The following SLC22A24 variants were observed in gnomAD, a reference collection of about 807,000 sequenced individuals.
SLC22A24 encodes steroid transmembrane transporter SLC22A24.
A neutral mutation model predicts 49.8 loss-of-function variants in SLC22A24; 53 were observed. That is an observed-to-expected ratio of 1.06 (90% CI 0.85 to 1.34). The LOEUF (loss-of-function observed/expected upper bound fraction) is 1.34. Ranked by LOEUF, SLC22A24 falls within the 40% of genes most tolerant of loss-of-function variation. The pLI, the probability that SLC22A24 is intolerant of heterozygous loss-of-function variation, is 0.00. For synonymous variants in SLC22A24, 302 were observed against 256.4 expected, an observed-to-expected ratio of 1.18 and a Z score of -1.70; for missense variants, 786 against 675.9, an observed-to-expected ratio of 1.16 and a Z score of -1.81.
rs1396360371 is a variant in SLC22A24 at position 63,092,820 on chromosome 11, A to T, written c.1070+3171T>A. ...TGACTAAAACACAAAAAGCAATTGAAACAAAAGTCAAAATTGACAAATGGA... is the reference window on the plus strand; with the variant it reads ...TGACTAAAACACAAAAAGCAATTGATACAAAAGTCAAAATTGACAAATGGA... On this transcript the variant is annotated intron_variant, in intron 6 of 9. Transcript: ENST00000612278. Among the ~76,000 whole-genome samples the T allele has an allele frequency of 8.5e-5, 13 of 152,186 alleles. No homozygotes were observed. The East Asian group carries it at 2.5e-3, about 29-fold the overall frequency.
At position 63,110,644 on chromosome 11, in the gene SLC22A24, C is replaced by T. The variant is rs554103362; in HGVS notation, c.831-6346G>A. ...GGGAGTTCACTCACGATTTGGCTCT[C>T]TGTTTGTCTGTTGTTGGTGTATAAG... On this transcript the variant is annotated intron_variant, in intron 4 of 9. Transcript: ENST00000612278. Among the ~76,000 whole-genome samples, 570 of 133,936 alleles carry T rather than the reference C, an allele frequency of 4.3e-3. 4 individuals are homozygous for T. The highest frequency in any genetic ancestry group is 6.1e-3 in the Non-Finnish European group (375 of 61,760). 87.9% of individuals were successfully genotyped at this position (133,936 alleles called of 152,430 possible).
intron 1 of SLC22A24, among the ~76,000 whole-genome samples, chr11:63,143,146 A>T (rs2087427076): frequency 6.6e-6 from 1 of 152,192 alleles, no homozygotes; most frequent in Non-Finnish European, 1.5e-5. Context: ...TAATGATTTA[A>T]AATTCATGGT....
At chr11:63,113,952 C>T (rs906204222) in intron 4 of SLC22A24, among the ~76,000 whole-genome samples, 10 of 151,982 alleles carry the variant, frequency 6.6e-5, no homozygotes, top group African/African-American at 2.4e-4. Flanking sequence ...TGATGGGCTT[C>T]CTTTTGTGGG....
Position 63,143,591 on chromosome 11 carries a change from A to G in SLC22A24, c.189T>C (p.Asp63=), listed in dbSNP as rs777449360. Residue 63 remains aspartate, a synonymous_variant, in exon 1 of 10, where the codon GAT becomes GAC. Transcript: ENST00000612278. The part of the protein sequence containing the change: ...LLDNDTVSDN[D]TGTLSKDDLL... ...GGTCATCCTTGCTGAGGGTCCCGGT[A>G]TCATTGTCAGACACAGTGTCATTGT... The G allele has an allele frequency of 1.3e-6, 2 of 1,572,772 alleles. No individual in the cohort carries two copies. Among genetic ancestry groups the G allele is most frequent in the South Asian group, 1.2e-5 (1 of 83,564 alleles).
chr11:63,080,726 G>A (rs777110209), intron 9 of SLC22A24, among the ~76,000 whole-genome samples, 194 bp downstream of exon 9: 3 of 152,158 alleles, frequency 2.0e-5, no homozygotes, highest in Admixed American at 1.3e-4. Context: ...GACATAGAGG[G>A]CCTCAAGAGT....
At chr11:63,110,338 T>C (rs1008145545) in intron 4 of SLC22A24, among the ~76,000 whole-genome samples, 1 of 152,224 alleles carries the variant, frequency 6.6e-6, no homozygotes, top group Non-Finnish European at 1.5e-5. Context: ...CGGGCTCTTT[T>C]TTGGTTCCAT....
chr11:63,109,182 T>C (rs1432359193), intron 4 of SLC22A24, among the ~76,000 whole-genome samples: 1 of 149,150 alleles, frequency 6.7e-6, no homozygotes, highest in East Asian at 2.0e-4. Context: ...GAACTCATCA[T>C]TTTTTATGGC....
At position 63,083,353 on chromosome 11, in the gene SLC22A24, G is replaced by C; in HGVS notation, c.1175C>G (p.Ala392Gly). ...QILCGAVTFT[A>G]RCVSLLTLNH... ...CAGTGTCAAAAGGGAAACACATCTGGCTGTGAATGTGACAGCTCCACAGAG... is the reference window on the plus strand; with the variant it reads ...CAGTGTCAAAAGGGAAACACATCTGCCTGTGAATGTGACAGCTCCACAGAG... The change falls in exon 7 of 10, where the codon GCC (alanine) becomes GGC (glycine). Residue 392 changes from alanine (A) to glycine (G), a missense_variant. Physicochemically the swap from Ala to Gly is moderately conservative, Grantham distance 60. Transcript: ENST00000612278. 1 of 1,553,524 alleles carries C rather than the reference G, an allele frequency of 6.4e-7. No individual in the cohort carries two copies. Among genetic ancestry groups the C allele is most frequent in the Non-Finnish European group, 8.7e-7 (1 of 1,147,738 alleles).
At chr11:63,121,234 G>T (rs929709826) in intron 2 of SLC22A24, among the ~76,000 whole-genome samples, 54 of 152,210 alleles carry the variant, frequency 3.5e-4, no homozygotes, top group Middle Eastern at 3.4e-3. Flanking sequence ...TTGTGGAAGG[G>T]ATTATATGGG....
intron 2 of SLC22A24, among the ~76,000 whole-genome samples, chr11:63,131,774 A>G (rs7945468): frequency 0.8 from 120,588 of 151,456 alleles, 49,054 homozygotes; most frequent in East Asian, 0.9. Context: ...TGCTCTTCTC[A>G]AGGAGTATCT....
At chr11:63,094,026 A>C (rs1278059230) in intron 6 of SLC22A24, among the ~76,000 whole-genome samples, 1 of 151,948 alleles carries the variant, frequency 6.6e-6, no homozygotes, top group Non-Finnish European at 1.5e-5. Flanking sequence ...GTTTTAGGGT[A>C]CATATGCACA....
chr11:63,123,093 A>T (rs1459653871), intron 2 of SLC22A24, among the ~76,000 whole-genome samples: 1 of 152,206 alleles, frequency 6.6e-6, no homozygotes, highest in African/African-American at 2.4e-5. Flanking sequence ...AGGCAAAGAG[A>T]ACATCTAGAA....
At position 63,122,640 on chromosome 11, in the gene SLC22A24, G is replaced by A. The variant is rs931942510; in HGVS notation, c.507-3305C>T. 2.6e-5 allele frequency among the ~76,000 whole-genome samples: 4 copies of A among 151,972 alleles called. No homozygotes were observed. In the South Asian group the frequency reaches 6.2e-4, roughly 24 times the overall value. ...AGCCATTCTCCTGCCTCAGCCTCCCGAGTAGCTGGGACTACAGGCACCCAT... is the reference window on the plus strand; with the variant it reads ...AGCCATTCTCCTGCCTCAGCCTCCCAAGTAGCTGGGACTACAGGCACCCAT... On this transcript the variant is annotated intron_variant, in intron 2 of 9. Transcript: ENST00000612278.
chr11:63,130,986 A>G (rs2087330764), intron 2 of SLC22A24, among the ~76,000 whole-genome samples: 1 of 152,022 alleles, frequency 6.6e-6, no homozygotes, highest in Admixed American at 6.6e-5. Flanking sequence ...TATTTAGGAT[A>G]GTTAGCTTTT....
chr11:63,093,106 C>A (rs2059260368), intron 6 of SLC22A24, among the ~76,000 whole-genome samples: 1 of 152,188 alleles, frequency 6.6e-6, no homozygotes, highest in African/African-American at 2.4e-5. Context: ...CGTCACTGGT[C>A]ATTAGAGAAA....
intron 5 of SLC22A24, among the ~76,000 whole-genome samples, chr11:63,102,757 C>G (rs550602333): frequency 3.9e-5 from 6 of 152,192 alleles, no homozygotes; most frequent in African/African-American, 1.2e-4. Context: ...AGCAGAGAGC[C>G]AAATTGCTTT....
chr11:63,111,582 G>T (rs1020747860), intron 4 of SLC22A24, among the ~76,000 whole-genome samples: 1 of 151,912 alleles, frequency 6.6e-6, no homozygotes, highest in African/African-American at 2.4e-5. Flanking sequence ...TCTTGGGAGA[G>T]TGTATGTGTC....
At chr11:63,133,208 G>A (rs1223233632) in intron 2 of SLC22A24, among the ~76,000 whole-genome samples, 1 of 152,168 alleles carries the variant, frequency 6.6e-6, no homozygotes, top group African/African-American at 2.4e-5. Flanking sequence ...GTTTCTCCAG[G>A]TGCAGTCTGT....
intron 2 of SLC22A24, among the ~76,000 whole-genome samples, chr11:63,123,962 G>A (rs1410410513): frequency 6.6e-6 from 1 of 152,054 alleles, no homozygotes; most frequent in Non-Finnish European, 1.5e-5. Flanking sequence ...AATAAAGATC[G>A]AGAAATTTAC....
Sources: allele counts gnomAD v4.1 joint callset (sites outside exome capture counted in the v4.1 genomes callset), GRCh38; gene constraint gnomAD v4.1.1; transcripts MANE v1.5; gene names NCBI Gene and HGNC (gene_info 2026-07-23, HGNC 2026-07-21).